The following ABCA13 variants were observed in gnomAD, a reference collection of about 807,000 sequenced individuals.
The protein encoded by ABCA13 is ATP binding cassette subfamily A member 13.
Under a neutral mutation model 478.7 loss-of-function variants are expected in ABCA13, and 476 were observed. The observed-to-expected ratio is 0.99, with a 90% CI of 0.92 to 1.07. The LOEUF (loss-of-function observed/expected upper bound fraction) is 1.07. Among genes scored for constraint, ABCA13 ranks in the 50% least tolerant of loss-of-function variants. ABCA13 has a pLI of 0.00. For missense variants in ABCA13, 6,060 were observed against 5,910.6 expected (o/e 1.03, Z -0.83); for synonymous variants, 2,252 against 2,158.9 (o/e 1.04, Z -1.20).
intron 41 of ABCA13, among the ~76,000 whole-genome samples, chr7:48,421,819 C>T (rs536309627): frequency 6.6e-6 from 1 of 152,140 alleles, no homozygotes; most frequent in Non-Finnish European, 1.5e-5. Flanking sequence ...AATCCAATTA[C>T]ACAGCATTCA....
intron 23 of ABCA13, among the ~76,000 whole-genome samples, chr7:48,308,810 CA>C (rs1233017803): frequency 6.6e-6 from 1 of 151,320 alleles, no homozygotes; most frequent in Non-Finnish European, 1.5e-5. Context: ...TTCAGCCACA[CA>C]AATACTTACC....
At chr7:48,591,243 C>T (rs1408462370) in intron 57 of ABCA13, among the ~76,000 whole-genome samples, 1 of 151,890 alleles carries the variant, frequency 6.6e-6, no homozygotes, top group African/African-American at 2.4e-5. Flanking sequence ...GTCCTTTTCC[C>T]AGTTTTAATT....
At chr7:48,587,344 T>C in intron 57 of ABCA13, 56 bp downstream of exon 57, 3 of 1,490,372 alleles carry the variant, frequency 2.0e-6, no homozygotes, top group Non-Finnish European at 2.7e-6. Flanking sequence ...TATTGATTTA[T>C]AAACTGATTT....
At chr7:48,384,141 G>T (rs1814810162) in intron 35 of ABCA13, among the ~76,000 whole-genome samples, 1 of 152,180 alleles carries the variant, frequency 6.6e-6, no homozygotes, top group South Asian at 2.1e-4. Context: ...GCTAAGGGTG[G>T]TGCCCACTTA....
At chr7:48,449,775 G>A (rs145573357) in intron 42 of ABCA13, among the ~76,000 whole-genome samples, 3 of 152,318 alleles carry the variant, frequency 2.0e-5, no homozygotes, top group African/African-American at 7.2e-5. Context: ...CCAGCATTAT[G>A]ACTGGGGTCA....
rs200453437 is a variant in ABCA13 at position 48,274,301 on chromosome 7, T to C, written c.4635T>C (p.Leu1545=). 61 of 1,613,322 alleles carry C rather than the reference T, an allele frequency of 3.8e-5. No homozygotes were observed. Among genetic ancestry groups the C allele is most frequent in the Non-Finnish European group, 5.0e-5 (59 of 1,179,660 alleles). The change falls in exon 17 of 62, where the codon CTT becomes CTC. Residue 1545 remains leucine (L), a synonymous_variant. Transcript: ENST00000435803. ...EIPNQFQNIW[L]HLITLGKEFQ... ...CTAATCAGTTTCAAAATATTTGGCT[T>C]CATTTAATAACACTGGGGAAGGAAT... is the stretch of plus-strand genomic sequence containing the variant.
At chr7:48,540,649 G>A (rs555401704) in intron 55 of ABCA13, among the ~76,000 whole-genome samples, 1 of 152,066 alleles carries the variant, frequency 6.6e-6, no homozygotes, top group African/African-American at 2.4e-5. Context: ...ATATATTAAG[G>A]TATTTTTGTC....
At chr7:48,182,999 A>G (rs1323465203) in intron 1 of ABCA13, among the ~76,000 whole-genome samples, 2 of 152,330 alleles carry the variant, frequency 1.3e-5, no homozygotes, top group South Asian at 2.1e-4. Flanking sequence ...AGAGGCCCCA[A>G]GTGCCCCAAA....
At chr7:48,490,838 A>G (rs546214873) in intron 48 of ABCA13, among the ~76,000 whole-genome samples, 3 of 152,244 alleles carry the variant, frequency 2.0e-5, no homozygotes, top group Non-Finnish European at 4.4e-5. Flanking sequence ...TAAGAATGAC[A>G]TAATCTATGT....
Position 48,275,801 on chromosome 7 carries a change from T to C in ABCA13, c.6135T>C (p.Phe2045=). 6.2e-7 allele frequency: 1 copy of C among 1,612,548 alleles called. No individual in the cohort carries two copies. The highest frequency in any genetic ancestry group is 2.2e-5 in the East Asian group (1 of 44,816). The stretch of plus-strand genomic sequence containing the variant: ...GCAGTTTAGAAGCATTATCAAGTTT[T>C]ATTGAAAAAAGTGAAACACCTTACA... The part of the protein sequence containing the change: ...TGSSLEALSS[F]IEKSETPYNF... Residue 2045 remains phenylalanine, a synonymous_variant, in exon 17 of 62, where the codon TTT becomes TTC. Transcript: ENST00000435803.
intron 15 of ABCA13, among the ~76,000 whole-genome samples, chr7:48,258,785 A>G (rs1350994155): frequency 1.3e-5 from 2 of 152,076 alleles, no homozygotes; most frequent in South Asian, 2.1e-4. Context: ...TGCTTTAGCT[A>G]TGTCCCAGAG....
chr7:48,519,165 A>G (rs1466599467), intron 52 of ABCA13, among the ~76,000 whole-genome samples: 2 of 152,118 alleles, frequency 1.3e-5, no homozygotes, highest in African/African-American at 4.8e-5. Flanking sequence ...TTATGGCTGC[A>G]TTGTATTCTA....
chr7:48,413,678 G>A (rs1045449700), intron 41 of ABCA13, among the ~76,000 whole-genome samples: 1 of 152,200 alleles, frequency 6.6e-6, no homozygotes, highest in African/African-American at 2.4e-5. Context: ...AGTGATGCAG[G>A]AGGAAAGGCA....
chr7:48,463,548 T>G (rs1826505403), intron 43 of ABCA13, among the ~76,000 whole-genome samples: 1 of 152,198 alleles, frequency 6.6e-6, no homozygotes, highest in Non-Finnish European at 1.5e-5. Flanking sequence ...TTTCCCTGGA[T>G]GCTCTGCTCC....
chr7:48,298,332 A>G (rs760324840), intron 22 of ABCA13, 34 bp from the exon 23 acceptor site: 1 of 1,577,534 alleles, frequency 6.3e-7, no homozygotes, highest in Admixed American at 1.8e-5. Context: ...CTAAACCTTT[A>G]TTACACAAAT....
At chr7:48,466,926 T>C in intron 43 of ABCA13, 30 bp from the exon 44 acceptor site, 1 of 1,610,926 alleles carries the variant, frequency 6.2e-7, no homozygotes, top group South Asian at 1.1e-5. Flanking sequence ...TAATCCCACT[T>C]TGTTTCCTTT....
intron 15 of ABCA13, among the ~76,000 whole-genome samples, chr7:48,256,404 A>G (rs1176957198): frequency 1.3e-5 from 2 of 152,062 alleles, no homozygotes; most frequent in Non-Finnish European, 2.9e-5. Flanking sequence ...TGCCTAGGTT[A>G]TCTTCCAGGA....
At chr7:48,343,016 C>T (rs1385319081) in intron 29 of ABCA13, among the ~76,000 whole-genome samples, 1 of 151,892 alleles carries the variant, frequency 6.6e-6, no homozygotes, top group South Asian at 2.1e-4. Flanking sequence ...TAATTTTGGA[C>T]ACAATACTCA....
rs529080019 is a variant in ABCA13 at position 48,182,564 on chromosome 7, A to G, written c.70-10395A>G. ...TTATAATGCCAAAGTCTCTAGCTCA[A>G]TGTTTGAGAAAGTGCTAAATAAATG... On this transcript the variant is annotated intron_variant, in intron 1 of 61. Transcript: ENST00000435803. 1.1e-3 allele frequency among the ~76,000 whole-genome samples: 175 copies of G among 152,186 alleles called. 1 individual carries two copies. Among genetic ancestry groups the G allele is most frequent in the African/African-American group, 3.9e-3 (164 of 41,554 alleles).
Sources: gnomAD v4.1 joint callset for allele counts (sites outside exome capture counted in the v4.1 genomes callset) on GRCh38, gnomAD v4.1.1 for gene constraint, MANE v1.5 for transcripts, NCBI Gene and HGNC (gene_info 2026-07-23, HGNC 2026-07-21) for gene names.